The following PDE3A variants were observed in gnomAD, a reference collection of about 807,000 sequenced individuals.
PDE3A encodes the protein cGMP-inhibited 3',5'-cyclic phosphodiesterase 3A.
Under a neutral mutation model 98.3 loss-of-function variants are expected in PDE3A, and 43 were observed. The observed-to-expected ratio is 0.44, with a 90% CI of 0.34 to 0.56. The LOEUF (loss-of-function observed/expected upper bound fraction) is 0.56. Among genes scored for constraint, PDE3A ranks in the 20% least tolerant of loss-of-function variants. The pLI is 0.01. For synonymous variants in PDE3A, 663 were observed against 567.9 expected (o/e 1.17, Z -2.38); for missense variants, 1,427 against 1,440.7 (o/e 0.99, Z 0.15).
chr12:20,470,412 A>T (rs1401062263), intron 1 of PDE3A, among the ~76,000 whole-genome samples: 1 of 152,130 alleles, frequency 6.6e-6, no homozygotes, highest in African/African-American at 2.4e-5. Flanking sequence ...ATCTAGTTGT[A>T]AAGGGGGTTG....
At chr12:20,386,128 T>TATAAAAATATAC (rs1943781875) in intron 1 of PDE3A, among the ~76,000 whole-genome samples, 1 of 81,720 alleles carries the variant, frequency 1.2e-5, no homozygotes, top group African/African-American at 5.3e-5. Flanking sequence ...TATAAATATA[T>TATAAAAATATAC]ATAAATATAT....
intron 2 of PDE3A, among the ~76,000 whole-genome samples, chr12:20,576,151 A>G (rs534620054): frequency 9.9e-5 from 15 of 152,142 alleles, no homozygotes; most frequent in African/African-American, 3.1e-4. Flanking sequence ...AAATAATCCA[A>G]TTATACTCTT....
At chr12:20,671,413 C>G (rs1052532504) in intron 15 of PDE3A, among the ~76,000 whole-genome samples, 1 of 152,164 alleles carries the variant, frequency 6.6e-6, no homozygotes, top group Non-Finnish European at 1.5e-5. Flanking sequence ...TAATTTTAGA[C>G]CAATATCCTT....
Position 20,688,344 on chromosome 12 carries a change from T to A in PDE3A, c.*8073T>A, listed in dbSNP as rs1946037136. The stretch of plus-strand genomic sequence containing the variant: ...GTGGCGGAGAAATGTTTGTAAAAAG[T>A]AGAATCTGTACAGAAAAAAAACTAG... On this transcript the variant is annotated 3_prime_UTR_variant, in exon 16 of 16. Coordinates refer to ENST00000359062, the MANE Select transcript of PDE3A (RefSeq NM_000921.5). 6.6e-6 allele frequency among the ~76,000 whole-genome samples: 1 copy of A among 151,960 alleles called. No homozygotes were observed. Among genetic ancestry groups the A allele is most frequent in the Admixed American group, 6.6e-5 (1 of 15,224 alleles).
intron 1 of PDE3A, among the ~76,000 whole-genome samples, chr12:20,488,294 T>C (rs867834817): frequency 3.3e-5 from 5 of 152,150 alleles, no homozygotes; most frequent in Non-Finnish European, 7.3e-5. Flanking sequence ...ATTCAATGGA[T>C]GATACCAGTC....
chr12:20,616,490 AG>A, intron 4 of PDE3A, 106 bp downstream of exon 4: 1 of 1,072,446 alleles, frequency 9.3e-7, no homozygotes, highest in Non-Finnish European at 1.4e-6. Flanking sequence ...ATTTGGTTGG[AG>A]GTCAGCTTTG....
At chr12:20,515,775 C>G (rs1946309135) in intron 1 of PDE3A, among the ~76,000 whole-genome samples, 1 of 150,772 alleles carries the variant, frequency 6.6e-6, no homozygotes, top group Non-Finnish European at 1.5e-5. Flanking sequence ...CTCTGTCGCC[C>G]AGGCTGGAGT....
At chr12:20,532,596 C>T (rs2121191493) in intron 1 of PDE3A, among the ~76,000 whole-genome samples, 1 of 151,556 alleles carries the variant, frequency 6.6e-6, no homozygotes, top group African/African-American at 2.4e-5. Context: ...AACTACCATT[C>T]AATGTGAATA....
chr12:20,633,812 T>A, intron 7 of PDE3A, 34 bp downstream of exon 7: 4 of 1,278,172 alleles, frequency 3.1e-6, no homozygotes, highest in Non-Finnish European at 4.5e-6. Flanking sequence ...TTGCCCAAAA[T>A]GGAAATTGCC....
Position 20,601,582 on chromosome 12 carries a change from A to G in PDE3A, c.1012-11861A>G, listed in dbSNP as rs12311711. ...AAATGTTAATCAAATTGTGCATGGG[A>G]AGAAGTCACGTTTCTAATATGTCTT... On this transcript the variant is annotated intron_variant, in intron 2 of 15. Transcript: ENST00000359062. 5.0e-3 allele frequency among the ~76,000 whole-genome samples: 761 copies of G among 152,320 alleles called. 9 individuals carry two copies. The highest frequency in any genetic ancestry group is 0.017 in the African/African-American group (723 of 41,576).
chr12:20,494,812 C>T lies in PDE3A; in HGVS notation c.961-61848C>T, dbSNP rs191323788. ...TTAGGCTTAATAAAAAGGTTTCCAT[C>T]CAGTGTTTGCTAAAGGTAATTGAAG... On this transcript the variant is annotated intron_variant, in intron 1 of 15. Coordinates refer to ENST00000359062, the MANE Select transcript of PDE3A (RefSeq NM_000921.5). Among the ~76,000 whole-genome samples the T allele has an allele frequency of 4.1e-3, 616 of 151,274 alleles. 2 individuals are homozygous for T. The highest frequency in any genetic ancestry group is 7.3e-3 in the Non-Finnish European group (499 of 67,906).
chr12:20,618,635 T>C (rs11045332), intron 4 of PDE3A, among the ~76,000 whole-genome samples: 43,459 of 151,882 alleles, frequency 0.29, 6,360 homozygotes, highest in African/African-American at 0.31. Context: ...CCAGAATCTC[T>C]GTACCCAATT....
In PDE3A at chr12:20,680,217, A is replaced by G. The variant is rs554467501; in HGVS notation, c.3372A>G (p.Glu1124=). Residue 1124 remains glutamate (E), a synonymous_variant, in exon 16 of 16, where the codon GAA becomes GAG. Transcript: ENST00000359062. The stretch of plus-strand genomic sequence containing the variant: ...TCCAGGCTATCAAGGAAGAAGAAGA[A>G]GAGAAAGGGAAACCAAGAGGCGAGG... ...EQIQAIKEEE[E]EKGKPRGEEI... 1.2e-6 allele frequency: 2 copies of G among 1,613,894 alleles called. No individual in the cohort carries two copies. The highest frequency in any genetic ancestry group is 1.7e-5 in the Admixed American group (1 of 60,016).
Position 20,686,236 on chromosome 12 carries a change from G to A in PDE3A, c.*5965G>A, listed in dbSNP as rs143452484. On this transcript the variant is annotated 3_prime_UTR_variant, in exon 16 of 16. Transcript: ENST00000359062. ...AAATTAGTGTCAATAATTTAACTTT[G>A]TACAAATTATAGTCTGAGATCTTCT... is the stretch of plus-strand genomic sequence containing the variant. Among the ~76,000 whole-genome samples, 48 of 152,198 alleles carry A rather than the reference G, an allele frequency of 3.2e-4. No individual in the cohort carries two copies. In the East Asian group the frequency reaches 8.1e-3, roughly 26 times the overall value.
At chr12:20,585,203 A>T (rs4576873) in intron 2 of PDE3A, among the ~76,000 whole-genome samples, 5 of 152,288 alleles carry the variant, frequency 3.3e-5, no homozygotes, top group Non-Finnish European at 2.9e-5. Context: ...TTAGTTTATA[A>T]GTTCAGAGAA....
rs184847147 is a variant in PDE3A, at chr12:20,468,340, G to A, written c.961-88320G>A. 1.3e-3 allele frequency among the ~76,000 whole-genome samples: 204 copies of A among 152,136 alleles called. 1 individual carries two copies. Among genetic ancestry groups the A allele is most frequent in the Non-Finnish European group, 2.3e-3 (155 of 68,008 alleles). ...AAAATTAGAATGGCCAATGATTATG[G>A]TCTGTACTTGCCTGTGATCTTGAGC... On this transcript the variant is annotated intron_variant, in intron 1 of 15. Transcript: ENST00000359062.
chr12:20,475,552 A>C (rs1945517292), intron 1 of PDE3A, among the ~76,000 whole-genome samples: 1 of 152,034 alleles, frequency 6.6e-6, no homozygotes, highest in Non-Finnish European at 1.5e-5. Context: ...AACGTGGTGA[A>C]ACCCCATCTC....
chr12:20,493,735 A>G (rs946707904), intron 1 of PDE3A, among the ~76,000 whole-genome samples: 1 of 152,176 alleles, frequency 6.6e-6, no homozygotes, highest in African/African-American at 2.4e-5. Flanking sequence ...GGTTCAAGCA[A>G]TTCTACTGCC....
intron 8 of PDE3A, among the ~76,000 whole-genome samples, chr12:20,635,487 A>G (rs1200060319): frequency 1.3e-5 from 2 of 152,040 alleles, no homozygotes; most frequent in Non-Finnish European, 2.9e-5. Flanking sequence ...CTGAGGCAGT[A>G]GAATCGCTTG....
Sources: gnomAD v4.1 joint callset for allele counts (sites outside exome capture counted in the v4.1 genomes callset) on GRCh38, gnomAD v4.1.1 for gene constraint, MANE v1.5 for transcripts, NCBI Gene and HGNC (gene_info 2026-07-23, HGNC 2026-07-21) for gene names.